Variants in UTP25 observed in about 807,000 individuals in gnomAD.
The protein encoded by UTP25 is U3 small nucleolar RNA-associated protein 25 homolog.
Under a neutral mutation model 78.9 loss-of-function variants are expected in UTP25, and 50 were observed. The ratio of observed to expected loss-of-function variants is 0.63; its 90% CI spans 0.50 to 0.80. The LOEUF is 0.80. UTP25 is among the 30% of genes least tolerant of loss of function. The pLI is 0.00. For missense variants in UTP25, 846 were observed against 911.3 expected (o/e 0.93, Z 0.92); for synonymous variants, 329 against 336.5 (o/e 0.98, Z 0.24).
chr1:209,830,418 A>AGG (rs1304399164), intron 2 of UTP25, among the ~76,000 whole-genome samples: 5 of 151,892 alleles, frequency 3.3e-5, no homozygotes, highest in Non-Finnish European at 7.4e-5. Context: ...GAATCCTAAG[A>AGG]GGGAATATCT....
At chr1:209,839,246 C>G (rs2078152738) in intron 7 of UTP25, 118 bp downstream of exon 7, 3 of 964,764 alleles carry the variant, frequency 3.1e-6, no homozygotes, top group Admixed American at 2.7e-5. Context: ...TTAACAGAAC[C>G]AGTGTGCCTT....
In UTP25 at chr1:209,843,521, A is replaced by G; in HGVS notation, c.1852A>G (p.Ile618Val). ...DAVMSHTLIY[I>V]PSYFDFVRLR... ...AGTCATGTCTCACACGCTCATCTAT[A>G]TCCCCTCCTACTTTGACTTCGTGCG... Residue 618 changes from isoleucine to valine, a missense_variant, in exon 11 of 12, where the codon ATC becomes GTC. Ile to Val is a conservative substitution (Grantham distance 29, BLOSUM62 3). Coordinates refer to ENST00000491415, the MANE Select transcript of UTP25 (RefSeq NM_014388.7). 1 of 1,614,164 alleles carries G rather than the reference A, an allele frequency of 6.2e-7. No individual in the cohort carries two copies. The highest frequency in any genetic ancestry group is 1.1e-5 in the South Asian group (1 of 91,084).
chr1:209,847,951 T>C (rs974108118), intron 11 of UTP25, among the ~76,000 whole-genome samples: 4 of 152,246 alleles, frequency 2.6e-5, no homozygotes, highest in Non-Finnish European at 5.9e-5. Flanking sequence ...TTTCATGACA[T>C]CGACATCTTT....
chr1:209,830,780 T>TA (rs1208497025), intron 2 of UTP25, 23 bp from the exon 3 acceptor site: 23 of 1,608,090 alleles, frequency 1.4e-5, no homozygotes, highest in Non-Finnish European at 2.0e-5. Flanking sequence ...TTTTTGTTCT[T>TA]AAAATTCTCC....
chr1:209,843,437 C>A lies in UTP25; in HGVS notation c.1782-14C>A. ...CTCTAGACATTAATTTTGCCCTTTG[C>A]CATTCCAAATCAGGTTTAACTTTTT... On this transcript the variant is annotated splice_polypyrimidine_tract_variant and intron_variant, in intron 10 of 11. Transcript: ENST00000491415. The A allele has an allele frequency of 1.2e-6, 2 of 1,612,754 alleles. No individual in the cohort carries two copies. Among genetic ancestry groups the A allele is most frequent in the South Asian group, 2.2e-5 (2 of 90,992 alleles).
chr1:209,840,765 A>G lies in UTP25; in HGVS notation c.1283-88A>G, dbSNP rs115813888. 8,583 of 1,252,190 alleles carry G rather than the reference A, an allele frequency of 6.9e-3. 53 individuals are homozygous for G. Among genetic ancestry groups the G allele is most frequent in the East Asian group, 0.022 (953 of 42,984 alleles). 77.6% of individuals were successfully genotyped at this position (1,252,190 alleles called of 1,614,324 possible). Reference sequence around the variant, plus strand: ...GAGGAACAAAAGAGATGTGGAAGCAATAGAAGTGGTGGACTGCTTTGAGAG... The same window carrying G: ...GAGGAACAAAAGAGATGTGGAAGCAGTAGAAGTGGTGGACTGCTTTGAGAG... On this transcript the variant is annotated intron_variant, in intron 7 of 11. Coordinates refer to ENST00000491415, the MANE Select transcript of UTP25 (RefSeq NM_014388.7).
At position 209,839,271 on chromosome 1, in the gene UTP25, T is replaced by C. The variant is rs2078152898; in HGVS notation, c.1282+143T>C. On this transcript the variant is annotated intron_variant, in intron 7 of 11. Transcript: ENST00000491415. ...CAGTGTGCCTTTGAGACATGTTGTT[T>C]GCCATGGGAGAGTCTTGCCTTGGCT... The C allele has an allele frequency of 4.8e-6, 4 of 825,148 alleles. No homozygotes were observed. In the Admixed American group the frequency reaches 1.1e-4, roughly 24 times the overall value. 51.1% of individuals were successfully genotyped at this position (825,148 alleles called of 1,614,324 possible). A position where few individuals can be genotyped will look rare whatever the true frequency, so the allele number is the denominator to read the frequency against.
chr1:209,833,499 C>T, intron 4 of UTP25, 141 bp downstream of exon 4: 1 of 707,162 alleles, frequency 1.4e-6, no homozygotes, highest in South Asian at 3.5e-5. Context: ...AAAAATAATT[C>T]TAAAAGGTAT....
At chr1:209,847,002 A>C (rs2078200795) in intron 11 of UTP25, among the ~76,000 whole-genome samples, 1 of 151,776 alleles carries the variant, frequency 6.6e-6, no homozygotes, top group Admixed American at 6.6e-5. Context: ...TTTTATGTGA[A>C]AAATGTGTGC....
chr1:209,835,944 G>GT (rs1211468591), intron 5 of UTP25, among the ~76,000 whole-genome samples: 1 of 152,006 alleles, frequency 6.6e-6, no homozygotes, highest in African/African-American at 2.4e-5. Flanking sequence ...TCATGCATAG[G>GT]TTCCTGTATC....
At chr1:209,837,318 A>T (rs893918592) in intron 6 of UTP25, 107 bp downstream of exon 6, 3 of 1,299,738 alleles carry the variant, frequency 2.3e-6, no homozygotes, top group Non-Finnish European at 3.1e-6. Context: ...ATTGACTGGC[A>T]TAATGAATGA....
At chr1:209,848,943 G>C (rs2078213656) in intron 11 of UTP25, among the ~76,000 whole-genome samples, 2 of 152,120 alleles carry the variant, frequency 1.3e-5, no homozygotes, top group African/African-American at 4.8e-5. Flanking sequence ...CAACACCACA[G>C]ACCTCAAATT....
chr1:209,855,773 A>T lies in UTP25; in HGVS notation c.*4326A>T, dbSNP rs1295296854. 6.6e-6 allele frequency: 1 copy of T among 152,352 alleles called. No individual in the cohort carries two copies. The highest frequency in any genetic ancestry group is 1.5e-5 in the Non-Finnish European group (1 of 68,154). 9.4% of individuals were successfully genotyped at this position (152,352 alleles called of 1,614,324 possible). A position where few individuals can be genotyped will look rare whatever the true frequency, so the allele number is the denominator to read the frequency against. On this transcript the variant is annotated 3_prime_UTR_variant, in exon 12 of 12. Coordinates refer to ENST00000491415, the MANE Select transcript of UTP25 (RefSeq NM_014388.7). ...TAGCCTTGGCTGACCCAGAGAAGGAAAGGAGGCAGTCTGCCGCTTGGCTGA... is the reference window on the plus strand; with the variant it reads ...TAGCCTTGGCTGACCCAGAGAAGGATAGGAGGCAGTCTGCCGCTTGGCTGA...
chr1:209,853,948 T>TG lies in UTP25; in HGVS notation c.*2503dup, dbSNP rs2078256239. ...GAACAAAGTAGTGTTGCTTTGTTCC[T>TG]GGCTCAGCACCTGAAAAGAAGGTAA... On this transcript the variant is annotated 3_prime_UTR_variant, in exon 12 of 12. Transcript: ENST00000491415. 1 of 152,248 alleles carries TG rather than the reference T, an allele frequency of 6.6e-6. No individual in the cohort carries two copies. The highest frequency in any genetic ancestry group is 2.1e-4 in the South Asian group (1 of 4,834). 9.4% of individuals were successfully genotyped at this position (152,248 alleles called of 1,614,324 possible).
intron 11 of UTP25, 98 bp downstream of exon 11, chr1:209,843,794 A>G (rs144396942): frequency 6.8e-7 from 1 of 1,460,646 alleles, no homozygotes; most frequent in African/African-American, 1.4e-5. Flanking sequence ...TGGTGTTGAG[A>G]TCATCCCTCA....
chr1:209,828,319 G>C, intron 1 of UTP25, 149 bp downstream of exon 1: 1 of 639,894 alleles, frequency 1.6e-6, no homozygotes, highest in Non-Finnish European at 2.7e-6. Context: ...GCGCCATCCC[G>C]CCGGGAGATG....
intron 11 of UTP25, among the ~76,000 whole-genome samples, chr1:209,848,628 C>T (rs2078211280): frequency 6.6e-6 from 1 of 152,170 alleles, no homozygotes; most frequent in South Asian, 2.1e-4. Flanking sequence ...TCATGCGTTG[C>T]CACTTATTTG....
chr1:209,828,006 A>T lies in UTP25; in HGVS notation c.-58A>T. 7.2e-7 allele frequency: 1 copy of T among 1,394,370 alleles called. No individual in the cohort carries two copies. Among genetic ancestry groups the T allele is most frequent in the Non-Finnish European group, 1.0e-6 (1 of 980,102 alleles). 86.4% of individuals were successfully genotyped at this position (1,394,370 alleles called of 1,614,324 possible). A position where few individuals can be genotyped will look rare whatever the true frequency, so the allele number is the denominator to read the frequency against. ...GAGCCCACGTGCTTGTGTTGACTGG[A>T]CAACTTCCTGGTGGAAAACCGCGAC... On this transcript the variant is annotated 5_prime_UTR_variant, in exon 1 of 12. Coordinates refer to ENST00000491415, the MANE Select transcript of UTP25 (RefSeq NM_014388.7).
intron 11 of UTP25, among the ~76,000 whole-genome samples, chr1:209,849,196 G>A (rs1010318589): frequency 4.6e-5 from 7 of 152,106 alleles, no homozygotes; most frequent in Non-Finnish European, 8.8e-5. Flanking sequence ...AGCTTTGGGG[G>A]TGAGGTTTTC....
Sources: gnomAD v4.1 joint callset for allele counts (sites outside exome capture counted in the v4.1 genomes callset) on GRCh38, gnomAD v4.1.1 for gene constraint, MANE v1.5 for transcripts, NCBI Gene and HGNC (gene_info 2026-07-23, HGNC 2026-07-21) for gene names.